DNAJC18: variants seen among roughly 807,000 people sequenced by gnomAD.
The protein encoded by DNAJC18 is dnaJ homolog subfamily C member 18.
Under a neutral mutation model 48.6 loss-of-function variants are expected in DNAJC18, and 40 were observed. That is an observed-to-expected ratio of 0.82 (90% CI 0.64 to 1.07). DNAJC18 has a LOEUF of 1.07. Ranked by LOEUF, DNAJC18 falls within the 50% of genes least tolerant of loss-of-function variation. The pLI is 0.00. For synonymous variants in DNAJC18, 135 were observed against 152.2 expected (o/e 0.89, Z 0.83); for missense variants, 340 against 427.7 (o/e 0.79, Z 1.81).
At chr5:139,415,543 G>A (rs1047055524) in intron 7 of DNAJC18, among the ~76,000 whole-genome samples, 6 of 152,216 alleles carry the variant, frequency 3.9e-5, no homozygotes, top group African/African-American at 1.4e-4. Flanking sequence ...AGAACAATGC[G>A]CTCTCCCTGC....
intron 6 of DNAJC18, among the ~76,000 whole-genome samples, chr5:139,421,632 C>T (rs1349501346): frequency 6.6e-6 from 1 of 151,978 alleles, no homozygotes; most frequent in Non-Finnish European, 1.5e-5. Flanking sequence ...ATAGTGAAAC[C>T]CTGTCTCTAC....
Position 139,411,270 on chromosome 5 carries a change from C to T in DNAJC18, c.*2878G>A, listed in dbSNP as rs974372684. The T allele has an allele frequency of 6.6e-6, 1 of 152,134 alleles. No homozygotes were observed. Among genetic ancestry groups the T allele is most frequent in the Admixed American group, 6.6e-5 (1 of 15,258 alleles). The allele number at this position is 152,134 out of a possible 1,614,324, so 9.4% of individuals were successfully genotyped here. Reference sequence around the variant, plus strand: ...TTGTGATGAGAAGGATTTTCATCCTCCTTTTCTCACTGCCGATCGTGCGGT... The same window carrying T: ...TTGTGATGAGAAGGATTTTCATCCTTCTTTTCTCACTGCCGATCGTGCGGT... On this transcript the variant is annotated 3_prime_UTR_variant, in exon 8 of 8. Transcript: ENST00000302060.
chr5:139,411,711 A>G lies in DNAJC18; in HGVS notation c.*2437T>C, dbSNP rs1758998355. ...ATCGGTGCTATAAAAACAGACAATC[A>G]GCGTGACATTTAATGGAGTTAGTTA... On this transcript the variant is annotated 3_prime_UTR_variant, in exon 8 of 8. Transcript: ENST00000302060. The G allele has an allele frequency of 6.6e-6, 1 of 152,236 alleles. No individual in the cohort carries two copies. Among genetic ancestry groups the G allele is most frequent in the Admixed American group, 6.5e-5 (1 of 15,284 alleles). The allele number at this position is 152,236 out of a possible 1,614,324, so 9.4% of individuals were successfully genotyped here. A position where few individuals can be genotyped will look rare whatever the true frequency, so the allele number is the denominator to read the frequency against.
intron 1 of DNAJC18, among the ~76,000 whole-genome samples, chr5:139,438,219 G>C (rs1197026893): frequency 6.6e-6 from 1 of 152,048 alleles, no homozygotes; most frequent in East Asian, 1.9e-4. Flanking sequence ...GGGAGGCTGA[G>C]GCAGGAGAAT....
chr5:139,416,474 A>T (rs1759070381), intron 7 of DNAJC18, among the ~76,000 whole-genome samples: 1 of 152,236 alleles, frequency 6.6e-6, no homozygotes, highest in Non-Finnish European at 1.5e-5. Flanking sequence ...CTCATGATCC[A>T]GCCCCATGAG....
Position 139,413,987 on chromosome 5 carries a change from A to G in DNAJC18, c.*161T>C. The G allele has an allele frequency of 9.8e-7, 1 of 1,023,330 alleles. No individual in the cohort carries two copies. Among genetic ancestry groups the G allele is most frequent in the Non-Finnish European group, 1.4e-6 (1 of 722,440 alleles). 63.4% of individuals were successfully genotyped at this position (1,023,330 alleles called of 1,614,324 possible). A position where few individuals can be genotyped will look rare whatever the true frequency, so the allele number is the denominator to read the frequency against. The stretch of plus-strand genomic sequence containing the variant: ...CCCAGGAAGGATCCTGTGAAGACAC[A>G]TCTGGCTCTCGTGCCCATGCTCCTG... On this transcript the variant is annotated 3_prime_UTR_variant, in exon 8 of 8. Transcript: ENST00000302060.
At position 139,422,712 on chromosome 5, in the gene DNAJC18, T is replaced by C; in HGVS notation, c.775A>G (p.Lys259Glu). The change falls in exon 6 of 8, where the codon AAA becomes GAA. Residue 259 changes from lysine to glutamate, a missense_variant. Lys to Glu is a moderately conservative substitution (Grantham distance 56, BLOSUM62 1). Transcript: ENST00000302060. ...ATNPPYSLFY[K>E]STLGYTISRE... ...ATTTAGAAATACCAGACTTACGATT[T>C]ATAGAACAGACTATATGGGGGATTA... The C allele has an allele frequency of 6.3e-7, 1 of 1,596,286 alleles. No individual in the cohort carries two copies. The highest frequency in any genetic ancestry group is 1.4e-5 in the African/African-American group (1 of 74,002).
At chr5:139,438,440 T>C (rs1350640633) in intron 1 of DNAJC18, among the ~76,000 whole-genome samples, 2 of 152,154 alleles carry the variant, frequency 1.3e-5, no homozygotes, top group African/African-American at 4.8e-5. Flanking sequence ...ACAATTCTTC[T>C]TCCAATGTGG....
chr5:139,417,052 C>T (rs1434832008), intron 7 of DNAJC18, among the ~76,000 whole-genome samples: 7 of 151,946 alleles, frequency 4.6e-5, no homozygotes, highest in South Asian at 2.1e-4. Flanking sequence ...TAGCCAGGCA[C>T]GGTGGCATGC....
chr5:139,426,620 C>T (rs921992261), intron 3 of DNAJC18, among the ~76,000 whole-genome samples: 1 of 152,188 alleles, frequency 6.6e-6, no homozygotes, highest in Non-Finnish European at 1.5e-5. Flanking sequence ...GTCCTGTAGT[C>T]ATCCCAGCTG....
chr5:139,418,677 G>C (rs1407584044), intron 7 of DNAJC18: 3 of 450,500 alleles, frequency 6.7e-6, no homozygotes, highest in Non-Finnish European at 1.3e-5. Context: ...ACAGAAATAG[G>C]GGGCAGAGAC....
chr5:139,439,396 G>A lies in DNAJC18; in HGVS notation c.40+10C>T, dbSNP rs764565868. ...CCGCCCTATCCCTCCTTCAGGCGGG[G>A]ACCTAGTACCTTCCGTCCAGCGCTC... On this transcript the variant is annotated intron_variant, in intron 1 of 7. Transcript: ENST00000302060. The surrounding 1 kb of genome is among the most constrained non-coding windows in gnomAD (Gnocchi z 4.1). 12 of 1,614,020 alleles carry A rather than the reference G, an allele frequency of 7.4e-6. No individual in the cohort carries two copies. The highest frequency in any genetic ancestry group is 9.3e-6 in the Non-Finnish European group (11 of 1,180,032).
At chr5:139,420,975 C>G (rs1176520034) in intron 6 of DNAJC18, among the ~76,000 whole-genome samples, 2 of 152,188 alleles carry the variant, frequency 1.3e-5, no homozygotes, top group African/African-American at 4.8e-5. Flanking sequence ...CTTTGATCCT[C>G]TCTAATTAGA....
Position 139,411,259 on chromosome 5 carries a change from AT to A in DNAJC18, c.*2888del, listed in dbSNP as rs963008387. 6.6e-6 allele frequency: 1 copy of A among 152,072 alleles called. No homozygotes were observed. The highest frequency in any genetic ancestry group is 2.4e-5 in the African/African-American group (1 of 41,396). The allele number at this position is 152,072 out of a possible 1,614,324, so 9.4% of individuals were successfully genotyped here. A position where few individuals can be genotyped will look rare whatever the true frequency, so the allele number is the denominator to read the frequency against. ...CTTCAAGCTCTTTGTGATGAGAAGGATTTTCATCCTCCTTTTCTCACTGCCG... is the reference window on the plus strand; with the variant it reads ...CTTCAAGCTCTTTGTGATGAGAAGGATTTCATCCTCCTTTTCTCACTGCCG... On this transcript the variant is annotated 3_prime_UTR_variant, in exon 8 of 8. Coordinates refer to ENST00000302060, the MANE Select transcript of DNAJC18 (RefSeq NM_152686.4).
intron 7 of DNAJC18, among the ~76,000 whole-genome samples, chr5:139,417,978 C>T (rs1235009883): frequency 6.6e-6 from 1 of 152,136 alleles, no homozygotes; most frequent in African/African-American, 2.4e-5. Context: ...CAATCCTTAC[C>T]ATGAGCTCTT....
In DNAJC18 at chr5:139,414,091, G is replaced by T; in HGVS notation, c.*57C>A. On this transcript the variant is annotated 3_prime_UTR_variant, in exon 8 of 8. Coordinates refer to ENST00000302060, the MANE Select transcript of DNAJC18 (RefSeq NM_152686.4). ...AGTTTTGTATTATAAAATGGAATCA[G>T]GAACATAAATAGGAACAAGTAGCAA... is the stretch of plus-strand genomic sequence containing the variant. 1 of 1,577,142 alleles carries T rather than the reference G, an allele frequency of 6.3e-7. No individual in the cohort carries two copies. The highest frequency in any genetic ancestry group is 8.6e-7 in the Non-Finnish European group (1 of 1,165,850).
Position 139,437,474 on chromosome 5 carries a change from A to G in DNAJC18, c.125T>C (p.Met42Thr). The G allele has an allele frequency of 3.7e-6, 6 of 1,614,154 alleles. No homozygotes were observed. Among genetic ancestry groups the G allele is most frequent in the Non-Finnish European group, 5.1e-6 (6 of 1,180,022 alleles). ...SHDPCGCCNC[M>T]KAQKEKKSEN... The stretch of plus-strand genomic sequence containing the variant: ...AGACTTCTTTTCCTTTTGTGCCTTC[A>G]TGCAGTTACAGCAGCCACAGGGGTC... Residue 42 changes from methionine (M) to threonine (T), a missense_variant, in exon 2 of 8, where the codon ATG (methionine) becomes ACG (threonine). By Grantham distance (81) the Met-to-Thr change is moderately conservative. Coordinates refer to ENST00000302060, the MANE Select transcript of DNAJC18 (RefSeq NM_152686.4).
chr5:139,439,297 T>A lies in DNAJC18; in HGVS notation c.40+109A>T. 1 of 1,546,246 alleles carries A rather than the reference T, an allele frequency of 6.5e-7. No individual in the cohort carries two copies. Among genetic ancestry groups the A allele is most frequent in the Non-Finnish European group, 8.9e-7 (1 of 1,126,356 alleles). On this transcript the variant is annotated intron_variant, in intron 1 of 7. Transcript: ENST00000302060. The surrounding 1 kb of genome is among the most constrained non-coding windows in gnomAD (Gnocchi z 4.1). ...GGCTCAGCATCTTTTCACAGGCCTC[T>A]ATCCATCACCTCAGACCCAGGATCT...
At chr5:139,435,301 C>A (rs558415334) in intron 2 of DNAJC18, among the ~76,000 whole-genome samples, 24 of 151,842 alleles carry the variant, frequency 1.6e-4, no homozygotes, top group African/African-American at 5.8e-4. Context: ...TGCAGTGAGC[C>A]GAGATCGTGG....
Sources: gnomAD v4.1 joint callset for allele counts (sites outside exome capture counted in the v4.1 genomes callset) on GRCh38, gnomAD v4.1.1 for gene constraint, Gnocchi (gnomAD v3.1) non-coding constraint, MANE v1.5 for transcripts, NCBI Gene and HGNC (gene_info 2026-07-23, HGNC 2026-07-21) for gene names.